Variants in CACTIN observed in about 807,000 individuals in gnomAD.
CACTIN encodes cactin, spliceosome C complex subunit.
Under a neutral mutation model 84.9 loss-of-function variants are expected in CACTIN, and 20 were observed. The ratio of observed to expected loss-of-function variants is 0.24; its 90% CI spans 0.17 to 0.34. The LOEUF is 0.34. Among genes scored for constraint, CACTIN ranks in the 10% least tolerant of loss-of-function variants. The probability of loss-of-function intolerance (pLI) is 1.00; values close to 1 mark genes in which losing one functional copy is unlikely to be tolerated. For missense variants in CACTIN, 897 were observed against 1,117.2 expected (o/e 0.80, Z 2.81); for synonymous variants, 549 against 467.9 (o/e 1.17, Z -2.24).
At chr19:3,621,402 C>T (rs760645177) in intron 2 of CACTIN, among the ~76,000 whole-genome samples, 1 of 152,234 alleles carries the variant, frequency 6.6e-6, no homozygotes, top group Non-Finnish European at 1.5e-5. Flanking sequence ...TGGCGCGGAG[C>T]CCCCACTTCC....
At chr19:3,619,290 C>T in intron 4 of CACTIN, 48 bp from the exon 5 acceptor site, 3 of 1,588,734 alleles carry the variant, frequency 1.9e-6, no homozygotes, top group Non-Finnish European at 2.6e-6. Context: ...CTGTGCCCTC[C>T]ATGCTAAAGA....
chr19:3,618,535 C>G (rs1042871046), intron 6 of CACTIN, among the ~76,000 whole-genome samples: 1 of 152,244 alleles, frequency 6.6e-6, no homozygotes. Flanking sequence ...CCAGGTGGAG[C>G]GAGACTTGCT....
intron 3 of CACTIN, 97 bp downstream of exon 3, chr19:3,620,610 G>A (rs961877856): frequency 7.5e-6 from 7 of 939,248 alleles, no homozygotes; most frequent in African/African-American, 1.7e-5. Flanking sequence ...CAGCCCCCAG[G>A]ACTTCCCACT....
Position 3,611,709 on chromosome 19 carries a change from C to G in CACTIN, c.*214G>C, listed in dbSNP as rs1301492081. 1.5e-6 allele frequency: 1 copy of G among 662,144 alleles called. No homozygotes were observed. Among genetic ancestry groups the G allele is most frequent in the Admixed American group, 2.4e-5 (1 of 41,376 alleles). The allele number at this position is 662,144 out of a possible 1,614,324, so 41.0% of individuals were successfully genotyped here. A position where few individuals can be genotyped will look rare whatever the true frequency, so the allele number is the denominator to read the frequency against. ...GCATCAGGACCCTAGGCCAGCCTGTCCCAGTGTCTCCTCAGCTCACCATGG... is the reference window on the plus strand; with the variant it reads ...GCATCAGGACCCTAGGCCAGCCTGTGCCAGTGTCTCCTCAGCTCACCATGG... On this transcript the variant is annotated 3_prime_UTR_variant, in exon 10 of 10. Coordinates refer to ENST00000429344, the MANE Select transcript of CACTIN (RefSeq NM_001080543.2).
At chr19:3,613,683 T>C (rs1393798710) in intron 7 of CACTIN, 97 bp from the exon 8 acceptor site, 3 of 1,486,784 alleles carry the variant, frequency 2.0e-6, no homozygotes, top group Non-Finnish European at 2.7e-6. Context: ...GCAAGGACCC[T>C]GAGAAGGTGG....
At chr19:3,623,143 G>A (rs1057039331) in intron 2 of CACTIN, among the ~76,000 whole-genome samples, 1 of 152,210 alleles carries the variant, frequency 6.6e-6, no homozygotes, top group African/African-American at 2.4e-5. Flanking sequence ...GCTGAGGTAG[G>A]AGGATCGCTT....
chr19:3,622,115 C>A (rs929081027), intron 2 of CACTIN, among the ~76,000 whole-genome samples: 1 of 152,116 alleles, frequency 6.6e-6, no homozygotes, highest in Non-Finnish European at 1.5e-5. Flanking sequence ...CCTGTAATCC[C>A]AGCATATTGG....
At chr19:3,617,472 G>A (rs944648368) in intron 6 of CACTIN, among the ~76,000 whole-genome samples, 1 of 152,212 alleles carries the variant, frequency 6.6e-6, no homozygotes. Flanking sequence ...ACTGTAACGC[G>A]TGAGGGGAAA....
At position 3,626,690 on chromosome 19, in the gene CACTIN, TC is replaced by T; in HGVS notation, c.72del (p.Ser25AlafsTer110). The T allele has an allele frequency of 6.6e-7, 1 of 1,518,676 alleles. No homozygotes were observed. Among genetic ancestry groups the T allele is most frequent in the Non-Finnish European group, 8.8e-7 (1 of 1,141,066 alleles). The allele number at this position is 1,518,676 out of a possible 1,614,324, so 94.1% of individuals were successfully genotyped here. On this transcript the variant is annotated frameshift_variant, in exon 1 of 10. Coordinates refer to ENST00000429344, the MANE Select transcript of CACTIN (RefSeq NM_001080543.2). LOFTEE classifies it high-confidence loss of function. ...RRGRRRQSQS[G>X]SRSRSRSHGR... is the part of the protein sequence containing the mutation. Reference sequence around the variant, plus strand: ...CCATGGCTCCTGCTCCGACTTCGGCTCCCGCTCTGACTCTGCCGCCTTCGGC... The same window carrying T: ...CCATGGCTCCTGCTCCGACTTCGGCTCCGCTCTGACTCTGCCGCCTTCGGC...
At chr19:3,621,902 T>A (rs1255659459) in intron 2 of CACTIN, among the ~76,000 whole-genome samples, 1 of 152,152 alleles carries the variant, frequency 6.6e-6, no homozygotes, top group Non-Finnish European at 1.5e-5. Flanking sequence ...AGAAGCCACC[T>A]GGAGACCCCA....
rs2032925616 is a variant in CACTIN at position 3,610,696 on chromosome 19, C to A, written c.*1227G>T. The A allele has an allele frequency of 2.2e-6, 1 of 456,372 alleles. No homozygotes were observed. Among genetic ancestry groups the A allele is most frequent in the Non-Finnish European group, 4.4e-6 (1 of 226,934 alleles). 28.3% of individuals were successfully genotyped at this position (456,372 alleles called of 1,614,324 possible). A position where few individuals can be genotyped will look rare whatever the true frequency, so the allele number is the denominator to read the frequency against. ...AAAAACATGCGATCTTGCCAATAGG[C>A]CAATTCCATGAGAACAAAAGATTTT... On this transcript the variant is annotated 3_prime_UTR_variant, in exon 10 of 10. Transcript: ENST00000429344.
chr19:3,620,952 C>T (rs985748813), intron 2 of CACTIN, 150 bp from the exon 3 acceptor site: 1 of 708,492 alleles, frequency 1.4e-6, no homozygotes, highest in Non-Finnish European at 2.6e-6. Flanking sequence ...CTCCTTAACA[C>T]TCCTGAAACC....
At chr19:3,612,664 G>A (rs557244279) in intron 9 of CACTIN, 7 of 716,060 alleles carry the variant, frequency 9.8e-6, no homozygotes, top group Middle Eastern at 2.3e-4. Flanking sequence ...GCGCTTCCCC[G>A]CCGAGCGACA....
rs1229531547 is a variant in CACTIN at position 3,626,742 on chromosome 19, C to CGAGCGT, written c.15_20dup (p.Arg10_Ser11dup). On this transcript the variant is annotated inframe_insertion, in exon 1 of 10. Coordinates refer to ENST00000429344, the MANE Select transcript of CACTIN (RefSeq NM_001080543.2). The stretch of plus-strand genomic sequence containing the variant: ...CCCGGCGACCCGCGGACCGCGAGCG[C>CGAGCGT]GAGCGTGTGTCCCGACCCATCGGCT... The CGAGCGT allele has an allele frequency of 2.7e-6, 4 of 1,488,988 alleles. No homozygotes were observed. Among genetic ancestry groups the CGAGCGT allele is most frequent in the African/African-American group, 1.5e-5 (1 of 68,750 alleles). 92.2% of individuals were successfully genotyped at this position (1,488,988 alleles called of 1,614,324 possible).
chr19:3,613,596 A>AGCCTGG lies in CACTIN; in HGVS notation c.1356-11_1356-10insCCAGGC. The AGCCTGG allele has an allele frequency of 6.3e-7, 1 of 1,597,600 alleles. No homozygotes were observed. The highest frequency in any genetic ancestry group is 1.1e-5 in the South Asian group (1 of 89,926). The stretch of plus-strand genomic sequence containing the variant: ...GTGGCGCTCACGCAGCCTGGGACGC[A>AGCCTGG]GAGCCGGGGTCACCCGCATGGAGGC... On this transcript the variant is annotated splice_polypyrimidine_tract_variant and intron_variant, in intron 7 of 9. Coordinates refer to ENST00000429344, the MANE Select transcript of CACTIN (RefSeq NM_001080543.2).
Position 3,618,748 on chromosome 19 carries a change from G to T in CACTIN, c.1162+127C>A, listed in dbSNP as rs2033160177. On this transcript the variant is annotated intron_variant, in intron 6 of 9. Transcript: ENST00000429344. ...GCCCCCTGGTGGCTCGGCCCAGAAGGGGAGGCCCCAGTTGGGGAAACCGAG... is the reference window on the plus strand; with the variant it reads ...GCCCCCTGGTGGCTCGGCCCAGAAGTGGAGGCCCCAGTTGGGGAAACCGAG... 3 of 744,138 alleles carry T rather than the reference G, an allele frequency of 4.0e-6. No individual in the cohort carries two copies. The African/African-American group carries it at 5.3e-5, about 13-fold the overall frequency. 46.1% of individuals were successfully genotyped at this position (744,138 alleles called of 1,614,324 possible).
At chr19:3,626,543 G>T in intron 1 of CACTIN, 53 bp downstream of exon 1, 1 of 1,309,832 alleles carries the variant, frequency 7.6e-7, no homozygotes, top group Non-Finnish European at 9.8e-7. Context: ...CCTCGGTCGG[G>T]CGCTCCTGAG....
In CACTIN at chr19:3,610,661, C is replaced by T. The variant is rs939076329; in HGVS notation, c.*1262G>A. On this transcript the variant is annotated 3_prime_UTR_variant, in exon 10 of 10. Transcript: ENST00000429344. ...AACCTAAGATTATTCTAAAATACAA[C>T]GTTTATTAAAAAAACATGCGATCTT... 8.8e-6 allele frequency: 4 copies of T among 452,818 alleles called. No homozygotes were observed. The highest frequency in any genetic ancestry group is 1.4e-4 in the East Asian group (2 of 14,404). The allele number at this position is 452,818 out of a possible 1,614,324, so 28.1% of individuals were successfully genotyped here.
At chr19:3,612,516 G>C in intron 9 of CACTIN, 103 bp from the exon 10 acceptor site, 2 of 1,438,650 alleles carry the variant, frequency 1.4e-6, no homozygotes, top group Non-Finnish European at 1.8e-6. Flanking sequence ...TCCCGCAAAA[G>C]GAAAACAGGC....
Sources: allele counts gnomAD v4.1 joint callset (sites outside exome capture counted in the v4.1 genomes callset), GRCh38; gene constraint gnomAD v4.1.1; transcripts MANE v1.5; gene names NCBI Gene and HGNC (gene_info 2026-07-23, HGNC 2026-07-21).